The following CSMD2 variants were observed in gnomAD, a reference collection of about 807,000 sequenced individuals.
CSMD2 encodes CUB and Sushi multiple domains 2, also known as CUB and sushi domain-containing protein 2.
Under a neutral mutation model 398.5 loss-of-function variants are expected in CSMD2, and 130 were observed. That is an observed-to-expected ratio of 0.33 (90% CI 0.28 to 0.38). CSMD2 has a LOEUF of 0.38. CSMD2 is among the 10% of genes least tolerant of loss of function. CSMD2 has a pLI of 1.00. For synonymous variants in CSMD2, 1,828 were observed against 1,908.5 expected (o/e 0.96, Z 1.10); for missense variants, 3,829 against 4,764.9 (o/e 0.80, Z 5.78).
intron 56 of CSMD2, among the ~76,000 whole-genome samples, chr1:33,547,229 A>G (rs12132091): frequency 0.16 from 24,885 of 152,066 alleles, 2,527 homozygotes; most frequent in East Asian, 0.34. Flanking sequence ...GGACCCAAGG[A>G]GCGAAGAAGG....
chr1:33,904,717 T>A (rs1642978889), intron 5 of CSMD2, among the ~76,000 whole-genome samples: 1 of 149,354 alleles, frequency 6.7e-6, no homozygotes, highest in Non-Finnish European at 1.5e-5. Context: ...CAGGCTGGAG[T>A]GCAGTGGCAC....
intron 1 of CSMD2, among the ~76,000 whole-genome samples, chr1:34,119,999 G>C (rs1662005071): frequency 6.6e-6 from 1 of 152,178 alleles, no homozygotes; most frequent in Non-Finnish European, 1.5e-5. Context: ...ATTCACAATG[G>C]ACAAGAGGTA....
intron 2 of CSMD2, among the ~76,000 whole-genome samples, chr1:34,084,543 A>T (rs1316259330): frequency 6.6e-6 from 1 of 152,182 alleles, no homozygotes; most frequent in Non-Finnish European, 1.5e-5. Context: ...GAAAAAAACA[A>T]ACAACCCCAT....
intron 16 of CSMD2, 97 bp from the exon 17 acceptor site, chr1:33,725,633 C>A: frequency 9.3e-7 from 1 of 1,071,446 alleles, no homozygotes; most frequent in Admixed American, 2.1e-5. Context: ...TCCGAATAAC[C>A]AGATTTTGGC....
At chr1:33,978,765 C>T (rs555442558) in intron 3 of CSMD2, among the ~76,000 whole-genome samples, 2 of 152,254 alleles carry the variant, frequency 1.3e-5, no homozygotes, top group South Asian at 4.1e-4. Flanking sequence ...CTCTCCTGAC[C>T]CCGCTGCATC....
chr1:34,078,623 G>A (rs558368813), intron 2 of CSMD2, among the ~76,000 whole-genome samples: 1 of 152,294 alleles, frequency 6.6e-6, no homozygotes, highest in Admixed American at 6.5e-5. Context: ...AACCTTGTAT[G>A]AGGTCATAGC....
chr1:33,557,719 G>A lies in CSMD2; in HGVS notation c.8743+15C>T, dbSNP rs1287629116. 12 of 1,534,236 alleles carry A rather than the reference G, an allele frequency of 7.8e-6. No individual in the cohort carries two copies. The highest frequency in any genetic ancestry group is 2.4e-5 in the East Asian group (1 of 40,876). On this transcript the variant is annotated intron_variant, in intron 55 of 70. Transcript: ENST00000373381. ...CCACCCCATCAGTCATTTTGAGCAG[G>A]TGACATCTACTTACAGAGACACTGG...
intron 45 of CSMD2, 41 bp downstream of exon 45, chr1:33,587,047 A>C: frequency 1.3e-6 from 2 of 1,490,582 alleles, no homozygotes; most frequent in Non-Finnish European, 1.8e-6. Flanking sequence ...TTCCTTCCCC[A>C]GTCCTGGGTT....
intron 5 of CSMD2, among the ~76,000 whole-genome samples, chr1:33,889,577 G>C (rs1028611012): frequency 2.0e-5 from 3 of 152,118 alleles, no homozygotes; most frequent in African/African-American, 7.2e-5. Context: ...GTATATTCAT[G>C]ATGATGTTAA....
intron 44 of CSMD2, 149 bp from the exon 45 acceptor site, chr1:33,587,317 C>T: frequency 1.7e-6 from 1 of 598,896 alleles, no homozygotes; most frequent in Non-Finnish European, 2.9e-6. Flanking sequence ...GCAAGTTTAG[C>T]CAAGTCCTTT....
chr1:33,759,783 G>C (rs1311579418), intron 13 of CSMD2, among the ~76,000 whole-genome samples: 1 of 152,168 alleles, frequency 6.6e-6, no homozygotes, highest in East Asian at 1.9e-4. Context: ...GCATGTTAGG[G>C]TACCCACGTA....
rs774567927 is a variant in CSMD2, at chr1:33,586,626, G to C, written c.6938-9C>G. ...GTAGCGTACGATGTCACCTGTCAAA[G>C]AAAGACCAACATGTAGACCCTCTTA... On this transcript the variant is annotated splice_polypyrimidine_tract_variant and intron_variant, in intron 45 of 70. Transcript: ENST00000373381. 3.2e-6 allele frequency: 5 copies of C among 1,571,848 alleles called. No homozygotes were observed. The Admixed American group carries it at 6.7e-5, about 21-fold the overall frequency.
intron 5 of CSMD2, among the ~76,000 whole-genome samples, chr1:33,895,458 C>T (rs538060429): frequency 1.3e-5 from 2 of 152,120 alleles, no homozygotes; most frequent in African/African-American, 4.8e-5. Flanking sequence ...GGTAGTAGAG[C>T]GGATGGGGAT....
At chr1:33,975,091 C>T (rs570346103) in intron 3 of CSMD2, among the ~76,000 whole-genome samples, 1 of 152,308 alleles carries the variant, frequency 6.6e-6, no homozygotes, top group East Asian at 1.9e-4. Context: ...CCCACCCTTT[C>T]CTTCAGGAGG....
chr1:33,529,306 A>G (rs1241538387), intron 64 of CSMD2, among the ~76,000 whole-genome samples: 1 of 152,140 alleles, frequency 6.6e-6, no homozygotes, highest in Non-Finnish European at 1.5e-5. Context: ...ACTCCTGGCT[A>G]ATTTCTTTAC....
At chr1:33,941,179 G>A (rs369372798) in intron 3 of CSMD2, among the ~76,000 whole-genome samples, 1 of 152,144 alleles carries the variant, frequency 6.6e-6, no homozygotes, top group African/African-American at 2.4e-5. Flanking sequence ...TAGCTGTGGG[G>A]AATTTTTGTC....
At chr1:34,015,826 T>C (rs941156997) in intron 3 of CSMD2, among the ~76,000 whole-genome samples, 1 of 152,294 alleles carries the variant, frequency 6.6e-6, no homozygotes, top group South Asian at 2.1e-4. Flanking sequence ...TTAGAAAGCA[T>C]CTAGAGCAAG....
intron 2 of CSMD2, among the ~76,000 whole-genome samples, chr1:34,051,932 T>C (rs1400557197): frequency 6.6e-6 from 1 of 152,096 alleles, no homozygotes; most frequent in East Asian, 1.9e-4. Context: ...CTGCCCTCAC[T>C]AATGGGGGTG....
rs539614444 is a variant in CSMD2 at position 34,091,090 on chromosome 1, T to C, written c.188-1897A>G. ...TCAAGCCCACTACTACACAGTGTCA[T>C]GACACCGTAACTTCTCCTTGGTGGT... On this transcript the variant is annotated intron_variant, in intron 1 of 70. Transcript: ENST00000373381. 2.0e-5 allele frequency among the ~76,000 whole-genome samples: 3 copies of C among 152,244 alleles called. No homozygotes were observed. The South Asian group carries it at 6.2e-4, about 32-fold the overall frequency.
Sources: gnomAD v4.1 joint callset for allele counts (sites outside exome capture counted in the v4.1 genomes callset) on GRCh38, gnomAD v4.1.1 for gene constraint, MANE v1.5 for transcripts, NCBI Gene and HGNC (gene_info 2026-07-23, HGNC 2026-07-21) for gene names.